Variants in PNPLA7 observed in about 807,000 individuals in gnomAD.
The protein encoded by PNPLA7 is patatin-like phospholipase domain-containing protein 7.
In PNPLA7, 153 loss-of-function variants were observed where a neutral mutation model predicts 161.7. That is an observed-to-expected ratio of 0.95 (90% CI 0.83 to 1.08). The LOEUF (loss-of-function observed/expected upper bound fraction) is 1.08, where lower values mean the gene tolerates loss of function less well. Ranked by LOEUF, PNPLA7 falls within the 50% of genes least tolerant of loss-of-function variation. PNPLA7 has a pLI of 0.00. For missense variants in PNPLA7, 1,739 were observed against 1,856.6 expected (o/e 0.94, Z 1.16); for synonymous variants, 809 against 782.1 (o/e 1.03, Z -0.57).
chr9:137,469,022 C>G (rs1290612543), intron 25 of PNPLA7, among the ~76,000 whole-genome samples: 2 of 152,004 alleles, frequency 1.3e-5, no homozygotes, highest in African/African-American at 4.8e-5. Context: ...CCAGCCTGGG[C>G]AACAAGAGCA....
intron 12 of PNPLA7, among the ~76,000 whole-genome samples, chr9:137,511,433 G>A (rs539100709): frequency 3.2e-4 from 48 of 151,282 alleles, no homozygotes; most frequent in African/African-American, 1.0e-3. Context: ...TTGGCCTGGC[G>A]GTAGCGCCAG....
chr9:137,504,093 AAGG>A (rs1302939478), intron 14 of PNPLA7, among the ~76,000 whole-genome samples: 27 of 139,728 alleles, frequency 1.9e-4, no homozygotes, highest in Middle Eastern at 3.6e-3. Context: ...AAGGAAGAAG[AAGG>A]AAGAAGAAGA....
rs370466799 is a variant in PNPLA7 at position 137,542,628 on chromosome 9, G to A, written c.666+14C>T. The stretch of plus-strand genomic sequence containing the variant: ...CGCAGCCGCCTGACCCCGCCCCGCC[G>A]CCCTGCGACTCACAGTGTCCTGGAT... On this transcript the variant is annotated intron_variant, in intron 7 of 34. Transcript: ENST00000406427. 1.8e-5 allele frequency: 28 copies of A among 1,573,698 alleles called. No individual in the cohort carries two copies. Among genetic ancestry groups the A allele is most frequent in the Admixed American group, 5.2e-5 (3 of 57,890 alleles).
intron 26 of PNPLA7, among the ~76,000 whole-genome samples, chr9:137,466,140 T>A (rs1170719622): frequency 2.0e-5 from 3 of 152,146 alleles, no homozygotes; most frequent in Non-Finnish European, 4.4e-5. Flanking sequence ...CCAGCGTGCC[T>A]GAAGGACTCA....
chr9:137,514,444 C>T (rs1834406442), intron 12 of PNPLA7, among the ~76,000 whole-genome samples: 2 of 128,174 alleles, frequency 1.6e-5, no homozygotes, highest in Admixed American at 1.6e-4. Flanking sequence ...TGTGGCTGGG[C>T]TGTGGGTGGG....
chr9:137,464,070 T>C, intron 28 of PNPLA7, 56 bp downstream of exon 28: 1 of 1,566,960 alleles, frequency 6.4e-7, no homozygotes, highest in Non-Finnish European at 8.7e-7. Flanking sequence ...TGCTGAGCTC[T>C]CCCCCTGCCC....
chr9:137,485,448 T>C (rs1832431080), intron 20 of PNPLA7, among the ~76,000 whole-genome samples: 2 of 152,082 alleles, frequency 1.3e-5, no homozygotes, highest in South Asian at 2.1e-4. Context: ...ACGCTGCAGG[T>C]GAGGCCTCAT....
At chr9:137,521,606 A>T in intron 10 of PNPLA7, 30 bp downstream of exon 10, 1 of 1,609,244 alleles carries the variant, frequency 6.2e-7, no homozygotes, top group Non-Finnish European at 8.5e-7. Context: ...ATGGAGCAGC[A>T]TGGGGCTTTG....
chr9:137,522,668 GC>G, intron 9 of PNPLA7, 60 bp downstream of exon 9: 1 of 1,589,516 alleles, frequency 6.3e-7, no homozygotes, highest in Non-Finnish European at 8.6e-7. Context: ...CCAAACCAGT[GC>G]CCAGGCCCCC....
At chr9:137,509,829 T>C (rs752392735) in intron 12 of PNPLA7, 5 of 418,264 alleles carry the variant, frequency 1.2e-5, no homozygotes, top group Non-Finnish European at 2.0e-5. Context: ...TCCAGTATAA[T>C]AAAATATAAA....
chr9:137,497,315 G>A lies in PNPLA7; in HGVS notation c.1890-5C>T, dbSNP rs184419448. 2.6e-4 allele frequency: 399 copies of A among 1,555,308 alleles called. No individual in the cohort carries two copies. The East Asian group carries it at 6.5e-3, about 25-fold the overall frequency. On this transcript the variant is annotated splice_polypyrimidine_tract_variant and splice_region_variant and intron_variant, in intron 17 of 34. Transcript: ENST00000406427. ...CAGTCGGACTTGTCCCCCTGCCTGC[G>A]GAAGACACAGAGGCCCTGCAGCCCT...
At chr9:137,528,784 T>A (rs1204128806) in intron 8 of PNPLA7, among the ~76,000 whole-genome samples, 1 of 151,650 alleles carries the variant, frequency 6.6e-6, no homozygotes. Flanking sequence ...CACCGCAAAC[T>A]CTGCCTCCCG....
In PNPLA7 at chr9:137,516,617, T is replaced by C. The variant is rs553466485; in HGVS notation, c.1085-1098A>G. The C allele has an allele frequency of 4.3e-4, 272 of 629,062 alleles. 2 individuals carry two copies. The South Asian group carries it at 6.3e-3, about 15-fold the overall frequency. 39.0% of individuals were successfully genotyped at this position (629,062 alleles called of 1,614,324 possible). A position where few individuals can be genotyped will look rare whatever the true frequency, so the allele number is the denominator to read the frequency against. On this transcript the variant is annotated intron_variant, in intron 11 of 34. Transcript: ENST00000406427. ...TGAGACCAGGAGTTCAAGACCACCC[T>C]GGACCACGTAGTAAGATGCCATCTT...
At chr9:137,482,382 G>A (rs1256378365) in intron 21 of PNPLA7, among the ~76,000 whole-genome samples, 3 of 152,336 alleles carry the variant, frequency 2.0e-5, no homozygotes, top group South Asian at 2.1e-4. Context: ...TCCAGGCAGC[G>A]GACGATGACT....
chr9:137,515,489 C>G lies in PNPLA7; in HGVS notation c.1115G>C (p.Gly372Ala). 6.4e-7 allele frequency: 1 copy of G among 1,569,024 alleles called. No individual in the cohort carries two copies. Reference protein sequence around the residue: ...DHGGGRPAAAGPLLKRSHSVP... With the variant: ...DHGGGRPAAAAPLLKRSHSVP... ...GGAGTGGCTCCTCTTCAGCAGGGGC[C>G]CAGCAGCTGCCGGGCGGCCGCCCCC... The change falls in exon 12 of 35, where the codon GGG (glycine) becomes GCG (alanine). Residue 372 changes from glycine (G) to alanine (A), a missense_variant. This residue lies in a region of PNPLA7 where 481 missense variants were observed against 450.0 expected (regional missense o/e 1.07). Transcript: ENST00000406427.
At position 137,547,293 on chromosome 9, in the gene PNPLA7, G is replaced by T; in HGVS notation, c.193+16C>A. ...CCCCCAACCCCCCGGGCCAGAGTCG[G>T]AACCAAGATACTCACGAAATTGTCT... On this transcript the variant is annotated intron_variant, in intron 3 of 34. Transcript: ENST00000406427. This position sits in a 1 kb window ranked among gnomAD's most constrained non-coding sequence, Gnocchi z 4.6. The T allele has an allele frequency of 6.2e-7, 1 of 1,612,458 alleles. No individual in the cohort carries two copies. Among genetic ancestry groups the T allele is most frequent in the South Asian group, 1.1e-5 (1 of 91,054 alleles).
intron 33 of PNPLA7, 102 bp from the exon 34 acceptor site, chr9:137,460,839 G>T: frequency 8.9e-7 from 1 of 1,117,412 alleles, no homozygotes; most frequent in Non-Finnish European, 1.3e-6. Context: ...GCCCACCCCC[G>T]CCTCCAAGGT....
chr9:137,549,732 C>A (rs1836747182), intron 1 of PNPLA7, among the ~76,000 whole-genome samples: 1 of 151,774 alleles, frequency 6.6e-6, no homozygotes, highest in Admixed American at 6.6e-5. Context: ...TTGCTGTGAG[C>A]CAAGATCACA....
Position 137,531,770 on chromosome 9 carries a change from G to A in PNPLA7, c.747+8872C>T, listed in dbSNP as rs184433126. ...TACTACATATTGTATAAGTACCAAAGAAAATTCAGAAAAGTAGCTATCTCT... is the reference window on the plus strand; with the variant it reads ...TACTACATATTGTATAAGTACCAAAAAAAATTCAGAAAAGTAGCTATCTCT... On this transcript the variant is annotated intron_variant, in intron 8 of 34. Transcript: ENST00000406427. Among the ~76,000 whole-genome samples the A allele has an allele frequency of 1.8e-4, 28 of 152,302 alleles. 1 individual carries two copies. The highest frequency in any genetic ancestry group is 6.5e-4 in the African/African-American group (27 of 41,554).
Sources: allele counts gnomAD v4.1 joint callset (sites outside exome capture counted in the v4.1 genomes callset), GRCh38; gene constraint gnomAD v4.1.1; regional missense constraint gnomAD v4.1.1; non-coding constraint Gnocchi (gnomAD v3.1); transcripts MANE v1.5; gene names NCBI Gene and HGNC (gene_info 2026-07-23, HGNC 2026-07-21).